The following TDRP variants were observed in gnomAD, a reference collection of about 807,000 sequenced individuals.
TDRP encodes testis development related protein, also known as testis development-related protein.
In TDRP, 12 loss-of-function variants were observed where a neutral mutation model predicts 10.5. The observed-to-expected ratio is 1.15, with a 90% CI of 0.73 to 1.86. The LOEUF (loss-of-function observed/expected upper bound fraction) is 1.86. TDRP is among the 40% of genes most tolerant of loss of function. The probability of loss-of-function intolerance (pLI) is 0.00; values close to 1 mark genes in which losing one functional copy is unlikely to be tolerated. For synonymous variants in TDRP, 139 were observed against 95.4 expected (o/e 1.46, Z -2.67); for missense variants, 353 against 229.2 (o/e 1.54, Z -3.49).
chr8:534,484 C>T (rs2116864281), intron 1 of TDRP, among the ~76,000 whole-genome samples: 1 of 152,318 alleles, frequency 6.6e-6, no homozygotes, highest in Middle Eastern at 3.4e-3. Context: ...GTAACTCATG[C>T]CTGAGCCATC....
intron 1 of TDRP, among the ~76,000 whole-genome samples, chr8:508,345 T>C (rs1054942157): frequency 6.6e-6 from 1 of 152,216 alleles, no homozygotes; most frequent in Non-Finnish European, 1.5e-5. Flanking sequence ...CACATTGCTA[T>C]AAAGAACTGC....
At chr8:499,284 G>A (rs1346255188) in intron 1 of TDRP, among the ~76,000 whole-genome samples, 1 of 152,072 alleles carries the variant, frequency 6.6e-6, no homozygotes, top group Non-Finnish European at 1.5e-5. Context: ...CAGGCTGGTG[G>A]CCTGGCCTAC....
chr8:529,159 T>C (rs1563129917), intron 1 of TDRP, among the ~76,000 whole-genome samples: 1 of 152,236 alleles, frequency 6.6e-6, no homozygotes, highest in South Asian at 2.1e-4. Flanking sequence ...AGGATTCAAA[T>C]GTTAACCTCC....
intron 1 of TDRP, among the ~76,000 whole-genome samples, chr8:520,782 A>C (rs1007241184): frequency 6.6e-6 from 1 of 152,080 alleles, no homozygotes; most frequent in Non-Finnish European, 1.5e-5. Flanking sequence ...CCCATTTTTT[A>C]ATCAGGTTTT....
chr8:527,787 T>G (rs1391255667), intron 1 of TDRP, among the ~76,000 whole-genome samples: 1 of 152,164 alleles, frequency 6.6e-6, no homozygotes, highest in Non-Finnish European at 1.5e-5. Flanking sequence ...GACTTAAATC[T>G]AAGACCTCAC....
At chr8:538,818 T>A (rs888457836) in intron 1 of TDRP, among the ~76,000 whole-genome samples, 1 of 152,192 alleles carries the variant, frequency 6.6e-6, no homozygotes, top group Non-Finnish European at 1.5e-5. Flanking sequence ...AAGATGCAAC[T>A]TTTCCCCCCA....
intron 1 of TDRP, among the ~76,000 whole-genome samples, chr8:508,557 C>T (rs551793362): frequency 2.6e-5 from 4 of 152,154 alleles, no homozygotes; most frequent in Non-Finnish European, 4.4e-5. Context: ...AACTCACTCA[C>T]TATCACAAGA....
chr8:542,639 C>T (rs1802529725), intron 1 of TDRP, among the ~76,000 whole-genome samples: 1 of 152,048 alleles, frequency 6.6e-6, no homozygotes, highest in East Asian at 1.9e-4. Context: ...CCGAGGAGGG[C>T]AGATCACCTG....
chr8:510,541 A>T (rs942031220), intron 1 of TDRP, among the ~76,000 whole-genome samples: 1 of 152,272 alleles, frequency 6.6e-6, no homozygotes, highest in Non-Finnish European at 1.5e-5. Context: ...GCTGACTCTC[A>T]GTAAAAACAA....
chr8:498,106 C>A (rs148455029), intron 1 of TDRP, among the ~76,000 whole-genome samples: 1 of 152,250 alleles, frequency 6.6e-6, no homozygotes, highest in Non-Finnish European at 1.5e-5. Flanking sequence ...GGGTTGCAAC[C>A]CCCACACCAA....
At chr8:539,301 G>C (rs1418564619) in intron 1 of TDRP, among the ~76,000 whole-genome samples, 1 of 152,150 alleles carries the variant, frequency 6.6e-6, no homozygotes, top group African/African-American at 2.4e-5. Context: ...TGCCTTGAGA[G>C]GATGTAGTGT....
At chr8:513,124 T>A (rs60273521) in intron 1 of TDRP, among the ~76,000 whole-genome samples, 1,162 of 115,546 alleles carry the variant, frequency 0.01, 8 homozygotes, top group African/African-American at 0.032. Flanking sequence ...AAAAAAAAAA[T>A]AGAAGAGCAA....
chr8:505,657 C>G (rs1003229592), intron 1 of TDRP, among the ~76,000 whole-genome samples: 7 of 152,184 alleles, frequency 4.6e-5, no homozygotes, highest in African/African-American at 1.7e-4. Context: ...CAACAGAAAC[C>G]AATGCCATCT....
At chr8:507,747 G>C (rs1349747517) in intron 1 of TDRP, among the ~76,000 whole-genome samples, 3 of 152,160 alleles carry the variant, frequency 2.0e-5, no homozygotes, top group Non-Finnish European at 2.9e-5. Flanking sequence ...GGGAAAGGGG[G>C]AACAGTCAGT....
intron 1 of TDRP, among the ~76,000 whole-genome samples, chr8:536,460 G>C (rs1176704737): frequency 2.0e-5 from 3 of 152,184 alleles, no homozygotes; most frequent in South Asian, 2.1e-4. Context: ...AAGTATGTTT[G>C]GAAGAACTCA....
At chr8:507,810 G>C (rs929624156) in intron 1 of TDRP, among the ~76,000 whole-genome samples, 2 of 152,192 alleles carry the variant, frequency 1.3e-5, no homozygotes, top group East Asian at 3.8e-4. Context: ...TAACCAGTGG[G>C]CACTAGGCTT....
intron 1 of TDRP, among the ~76,000 whole-genome samples, chr8:520,636 C>A (rs1801877969): frequency 1.3e-5 from 2 of 152,198 alleles, no homozygotes; most frequent in South Asian, 4.1e-4. Context: ...TGTAGCCATA[C>A]TAATGGTTGT....
chr8:500,570 T>A (rs1208409289), intron 1 of TDRP, among the ~76,000 whole-genome samples: 1 of 152,252 alleles, frequency 6.6e-6, no homozygotes, highest in African/African-American at 2.4e-5. Flanking sequence ...TCTCACAATT[T>A]GTAATCTTGA....
At chr8:541,288 T>C (rs1802489508) in intron 1 of TDRP, among the ~76,000 whole-genome samples, 1 of 152,178 alleles carries the variant, frequency 6.6e-6, no homozygotes, top group Non-Finnish European at 1.5e-5. Context: ...ATAACCTTAA[T>C]AAAGTAACAT....
Sources: allele counts gnomAD v4.1 joint callset (sites outside exome capture counted in the v4.1 genomes callset), GRCh38; gene constraint gnomAD v4.1.1; transcripts MANE v1.5; gene names NCBI Gene and HGNC (gene_info 2026-07-23, HGNC 2026-07-21).